Variants in GMDS observed in about 807,000 individuals in gnomAD.
GMDS encodes the protein GDP-mannose 4,6 dehydratase.
Under a neutral mutation model 49.9 loss-of-function variants are expected in GMDS, and 20 were observed. The observed-to-expected ratio is 0.40, with a 90% confidence interval of 0.28 to 0.58. The LOEUF (loss-of-function observed/expected upper bound fraction) is 0.58, where lower values mean the gene tolerates loss of function less well. Ranked by LOEUF, GMDS falls within the 20% of genes least tolerant of loss-of-function variation. The probability of loss-of-function intolerance (pLI) is 0.42; values close to 1 mark genes in which losing one functional copy is unlikely to be tolerated. For synonymous variants in GMDS, 177 were observed against 178.6 expected (o/e 0.99, Z 0.07); for missense variants, 362 against 481.4 (o/e 0.75, Z 2.32).
At chr6:2,141,201 A>G (rs981600537) in intron 1 of GMDS, among the ~76,000 whole-genome samples, 1 of 152,226 alleles carries the variant, frequency 6.6e-6, no homozygotes, top group Non-Finnish European at 1.5e-5. Context: ...GTCAACAGGA[A>G]GCTGCCCATG....
intron 1 of GMDS, among the ~76,000 whole-genome samples, chr6:2,157,089 A>C (rs1447400411): frequency 6.6e-6 from 1 of 152,148 alleles, no homozygotes; most frequent in Non-Finnish European, 1.5e-5. Context: ...CTCACTAAAA[A>C]CTCCATTTAT....
At chr6:2,202,425 ATTTC>A (rs768847847) in intron 1 of GMDS, among the ~76,000 whole-genome samples, 42 of 118,972 alleles carry the variant, frequency 3.5e-4, no homozygotes, top group Non-Finnish European at 4.9e-4. Context: ...ACTGCTGCCA[ATTTC>A]TTTCTATTTT....
chr6:1,856,799 T>C (rs1318901405), intron 7 of GMDS, among the ~76,000 whole-genome samples: 1 of 152,208 alleles, frequency 6.6e-6, no homozygotes, highest in Non-Finnish European at 1.5e-5. Flanking sequence ...GACCAATCAC[T>C]TTGTTCCCTA....
intron 1 of GMDS, among the ~76,000 whole-genome samples, chr6:2,186,921 T>A: frequency 6.6e-6 from 1 of 152,256 alleles, no homozygotes; most frequent in East Asian, 1.9e-4. Context: ...CTTTATACTT[T>A]CGATAAAAAG....
intron 4 of GMDS, among the ~76,000 whole-genome samples, chr6:1,963,034 G>A (rs1300744653): frequency 1.3e-4 from 19 of 151,294 alleles, no homozygotes; most frequent in African/African-American, 3.6e-4. Flanking sequence ...GCACCACCAC[G>A]CCCAGCTAAT....
chr6:1,905,140 C>T (rs886629702), intron 7 of GMDS, among the ~76,000 whole-genome samples: 12 of 152,244 alleles, frequency 7.9e-5, no homozygotes, highest in African/African-American at 2.9e-4. Context: ...AGCGATGCCT[C>T]CTTTGGGCAG....
intron 4 of GMDS, among the ~76,000 whole-genome samples, chr6:2,014,396 T>A (rs1767769263): frequency 6.6e-6 from 1 of 152,044 alleles, no homozygotes; most frequent in Non-Finnish European, 1.5e-5. Flanking sequence ...AGTATATGGA[T>A]AAGTGAAAAG....
chr6:1,871,668 G>A (rs1758763407), intron 7 of GMDS, among the ~76,000 whole-genome samples: 1 of 152,160 alleles, frequency 6.6e-6, no homozygotes, highest in Non-Finnish European at 1.5e-5. Context: ...CTTGTTCCAT[G>A]CTAAATACGA....
At chr6:2,052,573 C>T (rs1424846805) in intron 4 of GMDS, among the ~76,000 whole-genome samples, 2 of 152,210 alleles carry the variant, frequency 1.3e-5, no homozygotes, top group African/African-American at 4.8e-5. Flanking sequence ...CTCCACCTTA[C>T]ATTCCTTCCT....
intron 4 of GMDS, among the ~76,000 whole-genome samples, chr6:2,021,323 A>G (rs1392247899): frequency 6.6e-6 from 1 of 152,218 alleles, no homozygotes; most frequent in African/African-American, 2.4e-5. Flanking sequence ...TAGGAATGAA[A>G]CAAAGAATGG....
intron 9 of GMDS, among the ~76,000 whole-genome samples, chr6:1,711,228 C>T (rs1260228514): frequency 6.6e-6 from 1 of 152,264 alleles, no homozygotes; most frequent in Non-Finnish European, 1.5e-5. Context: ...CAGCTGCCCC[C>T]ACTTACCGAG....
chr6:1,792,276 T>C (rs1315494920), intron 7 of GMDS, among the ~76,000 whole-genome samples: 1 of 152,006 alleles, frequency 6.6e-6, no homozygotes, highest in Non-Finnish European at 1.5e-5. Flanking sequence ...GTTTTCCTTA[T>C]ATATCATTTT....
intron 1 of GMDS, among the ~76,000 whole-genome samples, chr6:2,229,408 C>CAAAAAAAAAAA: frequency 1.1e-5 from 1 of 89,268 alleles, no homozygotes; most frequent in Non-Finnish European, 2.5e-5. Context: ...CCTGTTTCTA[C>CAAAAAAAAAAA]AAAAAAAAAA....
At chr6:1,972,994 C>T (rs762433643) in intron 4 of GMDS, among the ~76,000 whole-genome samples, 2 of 152,198 alleles carry the variant, frequency 1.3e-5, no homozygotes, top group Admixed American at 1.3e-4. Flanking sequence ...AAGGTTAAAA[C>T]GTCCCCTGTA....
chr6:1,968,826 G>A (rs1764414514), intron 4 of GMDS, among the ~76,000 whole-genome samples: 1 of 152,034 alleles, frequency 6.6e-6, no homozygotes, highest in East Asian at 1.9e-4. Context: ...ATCACAAACA[G>A]CCCCTACCCC....
At chr6:1,791,955 T>A (rs1769560326) in intron 7 of GMDS, among the ~76,000 whole-genome samples, 1 of 152,190 alleles carries the variant, frequency 6.6e-6, no homozygotes, top group Non-Finnish European at 1.5e-5. Context: ...CCCCTTTCAA[T>A]ACTTATAGTT....
At position 1,854,646 on chromosome 6, in the gene GMDS, A is replaced by T. The variant is rs537721551; in HGVS notation, c.771+75457T>A. 3.3e-5 allele frequency among the ~76,000 whole-genome samples: 5 copies of T among 152,284 alleles called. 1 individual carries two copies. Among genetic ancestry groups the T allele is most frequent in the African/African-American group, 9.6e-5 (4 of 41,566 alleles). On this transcript the variant is annotated intron_variant, in intron 7 of 10. Transcript: ENST00000380815. The stretch of plus-strand genomic sequence containing the variant: ...CTAAAATGTCAGTACCACATTGCAG[A>T]GCCATTCTCATTCAGCATGTGGGCA...
At chr6:1,709,563 C>A (rs1460361860) in intron 9 of GMDS, among the ~76,000 whole-genome samples, 2 of 152,198 alleles carry the variant, frequency 1.3e-5, no homozygotes, top group Non-Finnish European at 2.9e-5. Context: ...TGTTGCCTGG[C>A]CCCCAGGACC....
intron 4 of GMDS, among the ~76,000 whole-genome samples, chr6:2,104,986 T>C (rs1037074716): frequency 6.6e-6 from 1 of 151,676 alleles, no homozygotes; most frequent in Non-Finnish European, 1.5e-5. Context: ...ATCGAGACCA[T>C]CCTGGCTAAC....
Sources: allele counts gnomAD v4.1 joint callset (sites outside exome capture counted in the v4.1 genomes callset), GRCh38; gene constraint gnomAD v4.1.1; transcripts MANE v1.5; gene names NCBI Gene and HGNC (gene_info 2026-07-23, HGNC 2026-07-21).